The following GRID1 variants were observed in gnomAD, a reference collection of about 807,000 sequenced individuals.
The protein encoded by GRID1 is glutamate receptor ionotropic, delta-1.
GRID1 carries 28 observed loss-of-function variants against 98.0 expected under a neutral mutation model. The observed-to-expected ratio is 0.29, with a 90% CI of 0.21 to 0.39. The LOEUF is 0.39. Among genes scored for constraint, GRID1 ranks in the 10% least tolerant of loss-of-function variants. The pLI is 1.00. For synonymous variants in GRID1, 553 were observed against 538.5 expected (o/e 1.03, Z -0.37); for missense variants, 1,111 against 1,340.5 (o/e 0.83, Z 2.67).
chr10:86,343,044 G>C (rs1848333051), intron 2 of GRID1, among the ~76,000 whole-genome samples: 1 of 152,176 alleles, frequency 6.6e-6, no homozygotes, highest in Admixed American at 6.5e-5. Context: ...TTATGCAGCA[G>C]CCTTTCAGCC....
chr10:86,108,020 AGGTAG>A (rs1844418871), intron 4 of GRID1, among the ~76,000 whole-genome samples: 1 of 152,222 alleles, frequency 6.6e-6, no homozygotes, highest in Non-Finnish European at 1.5e-5. Flanking sequence ...CCGTGCGACA[AGGTAG>A]AGGGTCTAAT....
At chr10:86,200,342 T>C (rs1845929882) in intron 3 of GRID1, among the ~76,000 whole-genome samples, 1 of 152,214 alleles carries the variant, frequency 6.6e-6, no homozygotes, top group Admixed American at 6.5e-5. Context: ...TGAATTTGCA[T>C]GAGCTTTCTT....
chr10:85,921,401 C>G (rs2131827403), intron 4 of GRID1, among the ~76,000 whole-genome samples: 1 of 152,342 alleles, frequency 6.6e-6, no homozygotes, highest in South Asian at 2.1e-4. Context: ...CAGCCCCAAT[C>G]TGAACCTCAG....
intron 5 of GRID1, among the ~76,000 whole-genome samples, chr10:85,871,424 G>A (rs1843277372): frequency 6.6e-6 from 1 of 152,188 alleles, no homozygotes. Context: ...AAGTCAGCCT[G>A]TATAAGCCAA....
intron 4 of GRID1, among the ~76,000 whole-genome samples, chr10:86,095,959 A>C (rs1844215741): frequency 6.6e-6 from 1 of 152,226 alleles, no homozygotes; most frequent in Non-Finnish European, 1.5e-5. Flanking sequence ...CATGGAACCA[A>C]CCCAAATGCC....
At chr10:86,109,508 C>T (rs565405477) in intron 4 of GRID1, among the ~76,000 whole-genome samples, 2 of 152,358 alleles carry the variant, frequency 1.3e-5, no homozygotes, top group East Asian at 3.9e-4. Context: ...CTGGCTCCCT[C>T]TCATGTCTCA....
chr10:85,747,602 C>T (rs1590215336), intron 8 of GRID1, among the ~76,000 whole-genome samples: 1 of 152,200 alleles, frequency 6.6e-6, no homozygotes, highest in Admixed American at 6.5e-5. Context: ...TCTCATTCAC[C>T]CCCAGCACCA....
chr10:86,101,186 A>T (rs1424789846), intron 4 of GRID1, among the ~76,000 whole-genome samples: 2 of 152,222 alleles, frequency 1.3e-5, no homozygotes, highest in Non-Finnish European at 2.9e-5. Context: ...GGAGAGGAGC[A>T]GCAGGAGGTG....
intron 12 of GRID1, chr10:85,648,173 A>G (rs1005630276): frequency 6.6e-6 from 1 of 152,236 alleles, no homozygotes; most frequent in Non-Finnish European, 1.5e-5. Context: ...AGGTGGCTCC[A>G]GCCAGGTGCA....
chr10:86,330,527 G>A (rs1014416262), intron 2 of GRID1, among the ~76,000 whole-genome samples: 2 of 152,250 alleles, frequency 1.3e-5, no homozygotes, highest in African/African-American at 2.4e-5. Context: ...TGGTGGATGC[G>A]CCCATTTCCA....
chr10:85,687,752 A>C (rs1375943949), intron 12 of GRID1, among the ~76,000 whole-genome samples: 1 of 152,250 alleles, frequency 6.6e-6, no homozygotes, highest in East Asian at 1.9e-4. Context: ...ACACAAACGA[A>C]GTGGGAAAAG....
chr10:86,268,934 G>C (rs1463684637), intron 2 of GRID1, among the ~76,000 whole-genome samples: 1 of 150,212 alleles, frequency 6.7e-6, no homozygotes, highest in Non-Finnish European at 1.5e-5. Context: ...AGGTTGCAGT[G>C]AGCTGAGATC....
At chr10:85,971,923 C>T (rs1842413311) in intron 4 of GRID1, among the ~76,000 whole-genome samples, 1 of 151,950 alleles carries the variant, frequency 6.6e-6, no homozygotes, top group South Asian at 2.1e-4. Context: ...TTCATCATAG[C>T]CAAAAATTAG....
intron 15 of GRID1, among the ~76,000 whole-genome samples, chr10:85,607,711 G>A (rs1439701302): frequency 1.3e-5 from 2 of 152,234 alleles, no homozygotes; most frequent in East Asian, 1.9e-4. Flanking sequence ...TAGGGGTAAG[G>A]CAGCTTGCTG....
Position 85,613,476 on chromosome 10 carries a change from C to T in GRID1, c.2532G>A (p.Leu844=). ...ACTCCAGGGCAGCCACCAGGCAGGC[C>T]AGGAGCAGGCCAATGGCCAGGATGC... ...VFCILAIGLL[L]ACLVAALELW... is the part of the protein sequence containing the mutation. Residue 844 remains leucine, a synonymous_variant, in exon 15 of 16, where the codon CTG becomes CTA. Coordinates refer to ENST00000327946, the MANE Select transcript of GRID1 (RefSeq NM_017551.3). The T allele has an allele frequency of 6.2e-7, 1 of 1,614,076 alleles. No individual in the cohort carries two copies.
chr10:85,895,656 T>C (rs555966506), intron 5 of GRID1, among the ~76,000 whole-genome samples: 1 of 152,196 alleles, frequency 6.6e-6, no homozygotes, highest in Non-Finnish European at 1.5e-5. Flanking sequence ...AACCTAATGG[T>C]TAACAGAACC....
chr10:85,903,183 G>T (rs1028351729), intron 5 of GRID1, among the ~76,000 whole-genome samples: 2 of 151,998 alleles, frequency 1.3e-5, no homozygotes, highest in African/African-American at 4.8e-5. Flanking sequence ...CTGTGTAATG[G>T]TCTAATAGGT....
intron 8 of GRID1, among the ~76,000 whole-genome samples, chr10:85,731,936 A>AGAGAG (rs34265318): frequency 8.1e-5 from 12 of 148,996 alleles, no homozygotes; most frequent in East Asian, 6.0e-4. Flanking sequence ...AGAGAGAGAG[A>AGAGAG]AGGGAAGGGA....
chr10:85,713,145 A>G (rs568920844), intron 12 of GRID1, among the ~76,000 whole-genome samples: 38 of 151,836 alleles, frequency 2.5e-4, no homozygotes, highest in African/African-American at 8.9e-4. Flanking sequence ...TTGGAAAGAT[A>G]AACAAAATTG....
Sources: allele counts gnomAD v4.1 joint callset (sites outside exome capture counted in the v4.1 genomes callset), GRCh38; gene constraint gnomAD v4.1.1; transcripts MANE v1.5; gene names NCBI Gene and HGNC (gene_info 2026-07-23, HGNC 2026-07-21).